PLAG1: variants seen among roughly 807,000 people sequenced by gnomAD.
PLAG1 encodes the protein zinc finger protein PLAG1.
A neutral mutation model predicts 35.5 loss-of-function variants in PLAG1; 7 were observed. The ratio of observed to expected loss-of-function variants is 0.20; its 90% CI spans 0.11 to 0.37. PLAG1 has a LOEUF of 0.37. PLAG1 is among the 10% of genes least tolerant of loss of function. PLAG1 has a pLI of 1.00. For missense variants in PLAG1, 454 were observed against 602.8 expected, an observed-to-expected ratio of 0.75 and a Z score of 2.58; for synonymous variants, 229 against 225.4, an observed-to-expected ratio of 1.02 and a Z score of -0.14.
Position 56,166,308 on chromosome 8 carries a change from C to T in PLAG1, c.1438G>A (p.Ala480Thr). 1.2e-6 allele frequency: 2 copies of T among 1,612,664 alleles called. No homozygotes were observed. The highest frequency in any genetic ancestry group is 1.7e-6 in the Non-Finnish European group (2 of 1,179,340). ...GTGCTTAAACTGCTGGTGAAAGCTG[C>T]TGACAGTGAGTGCAGAGACCCAAGC... is the stretch of plus-strand genomic sequence containing the variant. Reference protein sequence around the residue: ...IGLGSLHSLSAAFTSSLSTST... With the variant: ...IGLGSLHSLSTAFTSSLSTST... The change falls in exon 5 of 5, where the codon GCA becomes ACA. Residue 480 changes from alanine to threonine, a missense_variant. Ala to Thr is a moderately conservative substitution (Grantham distance 58, BLOSUM62 0). This residue lies in a region of PLAG1 where 271 missense variants were observed against 315.6 expected (regional missense o/e 0.86). Transcript: ENST00000316981.
At chr8:56,194,505 A>G (rs1585813758) in intron 1 of PLAG1, among the ~76,000 whole-genome samples, 1 of 152,254 alleles carries the variant, frequency 6.6e-6, no homozygotes, top group East Asian at 1.9e-4. Flanking sequence ...GGTGCACTAC[A>G]GTGGGAGAGA....
chr8:56,178,768 G>C (rs1250813966), intron 2 of PLAG1, among the ~76,000 whole-genome samples: 1 of 151,836 alleles, frequency 6.6e-6, no homozygotes, highest in Non-Finnish European at 1.5e-5. Flanking sequence ...CTTGAAGGTC[G>C]TACTGACAGA....
chr8:56,207,648 A>G (rs1172211157), intron 1 of PLAG1, among the ~76,000 whole-genome samples: 1 of 152,108 alleles, frequency 6.6e-6, no homozygotes, highest in Non-Finnish European at 1.5e-5. Flanking sequence ...TAAGACTATC[A>G]ATATATGAGG....
intron 2 of PLAG1, among the ~76,000 whole-genome samples, chr8:56,179,195 C>T (rs1585792371): frequency 6.6e-6 from 1 of 152,110 alleles, no homozygotes; most frequent in Non-Finnish European, 1.5e-5. Context: ...GTGAGGAAGA[C>T]TGCTCCTTGC....
intron 1 of PLAG1, among the ~76,000 whole-genome samples, chr8:56,202,794 T>A (rs972644082): frequency 6.6e-6 from 1 of 152,156 alleles, no homozygotes; most frequent in Non-Finnish European, 1.5e-5. Flanking sequence ...AATAACATGA[T>A]CTTGAGAACA....
chr8:56,202,748 G>A (rs567692972), intron 1 of PLAG1, among the ~76,000 whole-genome samples: 1 of 152,220 alleles, frequency 6.6e-6, no homozygotes, highest in South Asian at 2.1e-4. Flanking sequence ...GATAACCCAG[G>A]CTATGATTAA....
chr8:56,210,728 G>A (rs991517982), intron 1 of PLAG1, among the ~76,000 whole-genome samples: 1 of 151,774 alleles, frequency 6.6e-6, no homozygotes, highest in East Asian at 1.9e-4. Flanking sequence ...TTCCGCTCTC[G>A]CTGCTGCCGC....
chr8:56,198,000 C>T (rs1200657415), intron 1 of PLAG1, among the ~76,000 whole-genome samples: 1 of 152,156 alleles, frequency 6.6e-6, no homozygotes, highest in Non-Finnish European at 1.5e-5. Flanking sequence ...TGATCCCAGG[C>T]CTCCTCCTAC....
intron 1 of PLAG1, among the ~76,000 whole-genome samples, chr8:56,190,504 T>C (rs1332106100): frequency 2.0e-5 from 3 of 152,066 alleles, no homozygotes; most frequent in African/African-American, 4.8e-5. Flanking sequence ...AGAACTATTA[T>C]ACTTTGGGGA....
At chr8:56,195,188 T>C (rs1216971909) in intron 1 of PLAG1, among the ~76,000 whole-genome samples, 1 of 152,170 alleles carries the variant, frequency 6.6e-6, no homozygotes, top group Non-Finnish European at 1.5e-5. Context: ...CCAAAAACCA[T>C]TTGACCACTT....
intron 3 of PLAG1, among the ~76,000 whole-genome samples, chr8:56,169,013 A>G (rs1811439283): frequency 6.6e-6 from 1 of 152,228 alleles, no homozygotes; most frequent in African/African-American, 2.4e-5. Context: ...GAAATGATTC[A>G]TCTTCCTAAC....
intron 1 of PLAG1, among the ~76,000 whole-genome samples, chr8:56,182,633 GAATGTGTAAATAAGGATAGCT>G (rs1811903955): frequency 6.6e-6 from 1 of 152,196 alleles, no homozygotes; most frequent in South Asian, 2.1e-4. Context: ...GGGAGAATGA[GAATGTGTAAATAAGGATAGCT>G]CATTGGGTGA....
intron 1 of PLAG1, among the ~76,000 whole-genome samples, chr8:56,188,265 G>C (rs1244034316): frequency 6.6e-6 from 1 of 152,094 alleles, no homozygotes; most frequent in Non-Finnish European, 1.5e-5. Context: ...GAGCCATTTG[G>C]TATGCGGGGA....
intron 1 of PLAG1, among the ~76,000 whole-genome samples, chr8:56,206,128 A>G (rs1585832123): frequency 6.6e-6 from 1 of 152,164 alleles, no homozygotes; most frequent in Admixed American, 6.5e-5. Context: ...ACAAAATCAG[A>G]AAACAAAAAT....
At chr8:56,178,460 C>G (rs974477868) in intron 2 of PLAG1, among the ~76,000 whole-genome samples, 4 of 152,014 alleles carry the variant, frequency 2.6e-5, no homozygotes, top group Non-Finnish European at 4.4e-5. Context: ...ATACAGATAG[C>G]TAAAATATTT....
chr8:56,169,991 C>T (rs777514154), intron 3 of PLAG1, among the ~76,000 whole-genome samples: 6 of 152,230 alleles, frequency 3.9e-5, no homozygotes, highest in Non-Finnish European at 7.3e-5. Flanking sequence ...CTGACTTTCA[C>T]GGATTCCAGT....
intron 1 of PLAG1, among the ~76,000 whole-genome samples, chr8:56,181,970 C>A (rs538145108): frequency 1.3e-5 from 2 of 152,038 alleles, no homozygotes; most frequent in African/African-American, 4.8e-5. Context: ...GGCATGACTG[C>A]CAAAAAAGAA....
At chr8:56,209,863 T>C (rs1279554572) in intron 1 of PLAG1, among the ~76,000 whole-genome samples, 1 of 152,040 alleles carries the variant, frequency 6.6e-6, no homozygotes, top group East Asian at 1.9e-4. Context: ...GAAAATGCAA[T>C]CTAAAGCCGG....
chr8:56,201,657 G>A (rs764397929), intron 1 of PLAG1, among the ~76,000 whole-genome samples: 32 of 152,140 alleles, frequency 2.1e-4, no homozygotes, highest in Non-Finnish European at 3.4e-4. Context: ...CTATAGGTCT[G>A]TCCATTCTAA....
Sources: allele counts gnomAD v4.1 joint callset (sites outside exome capture counted in the v4.1 genomes callset), GRCh38; gene constraint gnomAD v4.1.1; regional missense constraint gnomAD v4.1.1; transcripts MANE v1.5; gene names NCBI Gene and HGNC (gene_info 2026-07-23, HGNC 2026-07-21).